Variants in PHACTR4 observed in about 807,000 individuals in gnomAD.
PHACTR4 encodes the protein phosphatase and actin regulator 4.
In PHACTR4, 51 loss-of-function variants were observed where a neutral mutation model predicts 72.7. That is an observed-to-expected ratio of 0.70 (90% CI 0.56 to 0.89). The LOEUF is 0.89. Ranked by LOEUF, PHACTR4 falls within the 40% of genes least tolerant of loss-of-function variation. PHACTR4 has a pLI of 0.00. For synonymous variants in PHACTR4, 255 were observed against 302.5 expected (o/e 0.84, Z 1.63); for missense variants, 731 against 861.8 (o/e 0.85, Z 1.90).
At chr1:28,390,785 T>G (rs1469555719) in intron 1 of PHACTR4, among the ~76,000 whole-genome samples, 1 of 150,768 alleles carries the variant, frequency 6.6e-6, no homozygotes, top group Non-Finnish European at 1.5e-5. Context: ...AGAAAGAGAC[T>G]GCATCTCAAA....
intron 2 of PHACTR4, among the ~76,000 whole-genome samples, chr1:28,448,702 C>T (rs1657676863): frequency 8.3e-6 from 1 of 120,646 alleles, no homozygotes. Context: ...GTGGAGCTTG[C>T]AGTGAGCCGA....
chr1:28,395,298 T>G (rs980078366), intron 1 of PHACTR4, among the ~76,000 whole-genome samples: 3 of 152,182 alleles, frequency 2.0e-5, no homozygotes, highest in African/African-American at 7.2e-5. Context: ...GGCTTCATTT[T>G]TGTGGGTGTT....
At chr1:28,377,237 C>CT (rs1304157166) in intron 1 of PHACTR4, among the ~76,000 whole-genome samples, 1,950 of 136,730 alleles carry the variant, frequency 0.014, 52 homozygotes, top group African/African-American at 0.045. Context: ...CGCACCCAGC[C>CT]TTTTTTTTTT....
At chr1:28,394,614 G>A (rs1449890112) in intron 1 of PHACTR4, among the ~76,000 whole-genome samples, 4 of 145,692 alleles carry the variant, frequency 2.7e-5, no homozygotes, top group Non-Finnish European at 6.0e-5. Flanking sequence ...TTTTTTTTTG[G>A]AGATGGAGTT....
chr1:28,485,459 C>T (rs1047647240), intron 9 of PHACTR4, among the ~76,000 whole-genome samples: 5 of 148,900 alleles, frequency 3.4e-5, no homozygotes, highest in Non-Finnish European at 5.9e-5. Context: ...TTGTGGCAGG[C>T]ACCTGTAATC....
chr1:28,432,830 C>A (rs1372604040), intron 2 of PHACTR4: 2 of 152,194 alleles, frequency 1.3e-5, no homozygotes, highest in African/African-American at 4.8e-5. Context: ...AACTTCGCAT[C>A]CTGGGCTCAA....
At chr1:28,491,509 G>A (rs188871534) in intron 11 of PHACTR4, 141 bp from the exon 12 acceptor site, 36 of 1,092,964 alleles carry the variant, frequency 3.3e-5, no homozygotes, top group Non-Finnish European at 3.5e-5. Flanking sequence ...CACTGGGGGT[G>A]GGACCTCCAG....
At chr1:28,402,179 G>T (rs1653991020) in intron 1 of PHACTR4, among the ~76,000 whole-genome samples, 1 of 152,166 alleles carries the variant, frequency 6.6e-6, no homozygotes, top group Non-Finnish European at 1.5e-5. Flanking sequence ...TTACTGAAAT[G>T]ATACAAAATA....
chr1:28,461,191 G>A (rs76915622), intron 4 of PHACTR4, among the ~76,000 whole-genome samples: 13,476 of 151,962 alleles, frequency 0.089, 1,293 homozygotes, highest in African/African-American at 0.24. Context: ...TGTAATCCCA[G>A]TATTTTAGGA....
rs202061695 is a variant in PHACTR4, at chr1:28,473,767, C to T, written c.1037C>T (p.Pro346Leu). 347 of 1,613,998 alleles carry T rather than the reference C, an allele frequency of 2.1e-4. No homozygotes were observed. Among genetic ancestry groups the T allele is most frequent in the Non-Finnish European group, 7.6e-5 (90 of 1,180,040 alleles). The change falls in exon 7 of 14, where the codon CCA (proline) becomes CTA (leucine). Residue 346 changes from proline to leucine, a missense_variant. By Grantham distance (98) the Pro-to-Leu change is moderately conservative. Transcript: ENST00000373839. ...PMISPRSPSPPLPTHIPPEPP... is the reference protein window; with the variant it reads ...PMISPRSPSPLLPTHIPPEPP... ...ATCTCACCTCGCTCTCCGTCCCCCC[C>T]ACTGCCTACTCATATACCTCCAGAG... is the stretch of plus-strand genomic sequence containing the variant.
chr1:28,397,673 A>G (rs914508721), intron 1 of PHACTR4, among the ~76,000 whole-genome samples: 1 of 151,202 alleles, frequency 6.6e-6, no homozygotes, highest in African/African-American at 2.4e-5. Flanking sequence ...TGAAGCTATT[A>G]TTAGGGTAAT....
intron 1 of PHACTR4, among the ~76,000 whole-genome samples, chr1:28,393,956 G>T (rs1653268093): frequency 6.6e-6 from 1 of 151,856 alleles, no homozygotes; most frequent in Non-Finnish European, 1.5e-5. Flanking sequence ...CAAGCAGTTT[G>T]CTCACCTTGG....
chr1:28,457,003 G>A (rs1187988683), intron 2 of PHACTR4, among the ~76,000 whole-genome samples: 1 of 152,166 alleles, frequency 6.6e-6, no homozygotes, highest in Non-Finnish European at 1.5e-5. Flanking sequence ...GACCCAGAAT[G>A]TCCTTGTATA....
intron 2 of PHACTR4, among the ~76,000 whole-genome samples, chr1:28,431,135 C>T (rs1232980840): frequency 8.8e-5 from 13 of 148,242 alleles, no homozygotes; most frequent in Admixed American, 6.8e-4. Context: ...GCTGAGATCG[C>T]GCCACTGCAC....
At position 28,388,275 on chromosome 1, in the gene PHACTR4, G is replaced by A. The variant is rs150362941; in HGVS notation, c.-39+18450G>A. 1.3e-3 allele frequency among the ~76,000 whole-genome samples: 199 copies of A among 152,242 alleles called. 2 individuals carry two copies. The highest frequency in any genetic ancestry group is 4.4e-3 in the African/African-American group (181 of 41,562). On this transcript the variant is annotated intron_variant, in intron 1 of 13. Transcript: ENST00000373839. ...CTCTGAATAGTCAAAGCAATTTTGAGCTAAAAGAATAAAGCCAGAGGCATC... is the reference window on the plus strand; with the variant it reads ...CTCTGAATAGTCAAAGCAATTTTGAACTAAAAGAATAAAGCCAGAGGCATC...
chr1:28,485,176 T>G (rs1270491327), intron 9 of PHACTR4, among the ~76,000 whole-genome samples: 1 of 152,126 alleles, frequency 6.6e-6, no homozygotes, highest in Non-Finnish European at 1.5e-5. Context: ...GAAAGATAGT[T>G]GTCAGGGGCT....
intron 1 of PHACTR4, among the ~76,000 whole-genome samples, chr1:28,395,638 C>CT (rs67388349): frequency 0.016 from 1,771 of 112,458 alleles, 64 homozygotes; most frequent in East Asian, 0.071. Flanking sequence ...TTAAGCATAA[C>CT]TTTTTTTTTT....
intron 2 of PHACTR4, among the ~76,000 whole-genome samples, chr1:28,457,598 G>T (rs1658483044): frequency 6.6e-6 from 1 of 151,870 alleles, no homozygotes; most frequent in East Asian, 1.9e-4. Context: ...GTGAGACCCT[G>T]TTTCTAAAAT....
In PHACTR4 at chr1:28,415,279, G is replaced by A. The variant is rs1025307628; in HGVS notation, c.16+7816G>A. Among the ~76,000 whole-genome samples the A allele has an allele frequency of 5.3e-5, 8 of 151,106 alleles. No homozygotes were observed. In the East Asian group the frequency reaches 5.8e-4, roughly 11 times the overall value. ...CTGTCTCAAAAAAAAAAAAAAGAGAGAGAAAAGAAAGAAAAAAATTCATGG... is the reference window on the plus strand; with the variant it reads ...CTGTCTCAAAAAAAAAAAAAAGAGAAAGAAAAGAAAGAAAAAAATTCATGG... On this transcript the variant is annotated intron_variant, in intron 2 of 13. Transcript: ENST00000373839.
Sources: gnomAD v4.1 joint callset for allele counts (sites outside exome capture counted in the v4.1 genomes callset) on GRCh38, gnomAD v4.1.1 for gene constraint, MANE v1.5 for transcripts, NCBI Gene and HGNC (gene_info 2026-07-23, HGNC 2026-07-21) for gene names.